Variants in CR1 observed in about 807,000 individuals in gnomAD.
CR1 encodes the protein complement C3b/C4b receptor 1 (Knops blood group), also known as complement receptor type 1.
A neutral mutation model predicts 187.3 loss-of-function variants in CR1; 116 were observed. The ratio of observed to expected loss-of-function variants is 0.62; its 90% confidence interval spans 0.53 to 0.72. The LOEUF (loss-of-function observed/expected upper bound fraction) is 0.72. Among genes scored for constraint, CR1 ranks in the 30% least tolerant of loss-of-function variants. The probability of loss-of-function intolerance (pLI) is 0.00; values close to 1 mark genes in which losing one functional copy is unlikely to be tolerated. For missense variants in CR1, 1,731 were observed against 2,110.7 expected, an observed-to-expected ratio of 0.82 and a Z score of 3.52; for synonymous variants, 576 against 747.1, an observed-to-expected ratio of 0.77 and a Z score of 3.73.
Position 207,576,646 on chromosome 1 carries a change from T to C in CR1, c.4537+966T>C, listed in dbSNP as rs12074698. 2.4e-3 allele frequency among the ~76,000 whole-genome samples: 369 copies of C among 151,850 alleles called. 2 individuals are homozygous for C. Among genetic ancestry groups the C allele is most frequent in the African/African-American group, 8.1e-3 (336 of 41,412 alleles). On this transcript the variant is annotated intron_variant, in intron 28 of 46. Transcript: ENST00000367049. ...CAGCCTGTACAACATGGTGAAATCA[T>C]GTCTCTACAAAAAATACAAAAACTA...
intron 1 of CR1, among the ~76,000 whole-genome samples, chr1:207,498,025 C>G (rs1330698104): frequency 6.6e-6 from 1 of 152,168 alleles, no homozygotes; most frequent in East Asian, 1.9e-4. Context: ...ATTAGGAAGC[C>G]AGCGTTCTGC....
At chr1:207,521,159 T>A (rs1659981343) in intron 4 of CR1, among the ~76,000 whole-genome samples, 1 of 151,954 alleles carries the variant, frequency 6.6e-6, no homozygotes, top group Non-Finnish European at 1.5e-5. Context: ...ACCCTTTTAG[T>A]AGAGATGGGT....
At position 207,584,729 on chromosome 1, in the gene CR1, G is replaced by T; in HGVS notation, c.5383G>T (p.Glu1795Ter). Residue 1795 changes from glutamate to a stop codon, truncating the protein, a stop_gained, in exon 33 of 47, where the codon GAA becomes TAA. Transcript: ENST00000367049. LOFTEE classifies it high-confidence loss of function. ...CTCTGGAGATATTCCCTATGGAAAAGAAATATCTTACACATGTGACCCCCA... is the reference window on the plus strand; with the variant it reads ...CTCTGGAGATATTCCCTATGGAAAATAAATATCTTACACATGTGACCCCCA... ...TPSGDIPYGKEISYTCDPHPD... is the reference protein window; with the variant it reads ...TPSGDIPYGK 6.2e-7 allele frequency: 1 copy of T among 1,613,802 alleles called. No individual in the cohort carries two copies.
At chr1:207,616,504 A>G (rs1662099007) in intron 40 of CR1, 71 bp from the exon 41 acceptor site, 3 of 1,512,240 alleles carry the variant, frequency 2.0e-6, no homozygotes, top group Middle Eastern at 1.8e-4. Context: ...GCGCACAGTC[A>G]CAGGTCACTA....
At chr1:207,639,087 C>T (rs1662904139) in intron 46 of CR1, among the ~76,000 whole-genome samples, 1 of 152,230 alleles carries the variant, frequency 6.6e-6, no homozygotes, top group Non-Finnish European at 1.5e-5. Flanking sequence ...TGCTCATTTT[C>T]CCGACAATGG....
At chr1:207,581,726 C>G (rs1317591246) in intron 31 of CR1, among the ~76,000 whole-genome samples, 192 bp from the exon 32 acceptor site, 2 of 152,136 alleles carry the variant, frequency 1.3e-5, no homozygotes, top group Admixed American at 6.5e-5. Context: ...GAAAGCTACA[C>G]TTTTTCCAAA....
rs774509906 is a variant in CR1 at position 207,587,555 on chromosome 1, C to G, written c.5700C>G (p.Asp1900Glu). Reference sequence around the variant, plus strand: ...ACTTGGTCTGGTCAAGTGTTGAAGACAACTGTAGACGTGAGTAACCCCTCC... The same window carrying G: ...ACTTGGTCTGGTCAAGTGTTGAAGAGAACTGTAGACGTGAGTAACCCCTCC... ...LENLVWSSVEDNCRRKSCGPP... is the reference protein window; with the variant it reads ...LENLVWSSVEENCRRKSCGPP... Residue 1900 changes from aspartate to glutamate, a missense_variant, in exon 34 of 47, where the codon GAC (aspartate) becomes GAG (glutamate). This residue lies in a region of CR1 where 1,312 missense variants were observed against 1,379.6 expected (regional missense o/e 0.95). Coordinates refer to ENST00000367049, the MANE Select transcript of CR1 (RefSeq NM_000651.6). 2 of 1,613,394 alleles carry G rather than the reference C, an allele frequency of 1.2e-6. No homozygotes were observed. Among genetic ancestry groups the G allele is most frequent in the Non-Finnish European group, 1.7e-6 (2 of 1,179,574 alleles).
At chr1:207,632,238 T>G (rs1662666770) in intron 46 of CR1, among the ~76,000 whole-genome samples, 1 of 152,204 alleles carries the variant, frequency 6.6e-6, no homozygotes, top group Non-Finnish European at 1.5e-5. Flanking sequence ...GAATTGATAT[T>G]TTACTTTTTG....
intron 24 of CR1, 67 bp downstream of exon 24, chr1:207,565,990 C>T (rs1315415841): frequency 1.3e-6 from 2 of 1,579,110 alleles, no homozygotes; most frequent in East Asian, 4.5e-5. Flanking sequence ...TGTCCTATGG[C>T]CTCCCTCAAT....
Position 207,567,905 on chromosome 1 carries a change from C to A in CR1, c.4034C>A (p.Ala1345Glu), listed in dbSNP as rs747595626. Residue 1345 changes from alanine to glutamate, a missense_variant, in exon 25 of 47, where the codon GCA becomes GAA. Physicochemically the swap from Ala to Glu is moderately radical, Grantham distance 107. Around this residue, in one of 5 missense-constraint regions of CR1, gnomAD observed 1,312 missense variants for 1,379.6 expected, o/e 0.95. Transcript: ENST00000367049. ...CTGGAAGTCTTTCCCTTTGGAAAAG[C>A]AGTAAATTACACATGCGACCCCCAC... is the stretch of plus-strand genomic sequence containing the variant. ...KPLEVFPFGK[A>E]VNYTCDPHPD... 6.2e-7 allele frequency: 1 copy of A among 1,610,778 alleles called. No individual in the cohort carries two copies. The highest frequency in any genetic ancestry group is 1.1e-5 in the South Asian group (1 of 91,046).
intron 3 of CR1, among the ~76,000 whole-genome samples, chr1:207,510,238 C>T (rs1311753560): frequency 6.6e-6 from 1 of 152,024 alleles, no homozygotes; most frequent in East Asian, 1.9e-4. Context: ...ACAGCAACAA[C>T]AAAAATCCCA....
At chr1:207,517,281 C>CGT (rs369465275) in intron 4 of CR1, among the ~76,000 whole-genome samples, 18 of 151,644 alleles carry the variant, frequency 1.2e-4, no homozygotes, top group Middle Eastern at 3.4e-3. Flanking sequence ...GGGGGATATG[C>CGT]GTGTGTGTGT....
At chr1:207,525,245 G>C (rs1362593340) in intron 5 of CR1, among the ~76,000 whole-genome samples, 1 of 151,776 alleles carries the variant, frequency 6.6e-6, no homozygotes, top group Non-Finnish European at 1.5e-5. Flanking sequence ...AGATTTGGGA[G>C]GGGACATAGA....
chr1:207,594,748 T>C (rs972966571), intron 35 of CR1, among the ~76,000 whole-genome samples: 1 of 152,244 alleles, frequency 6.6e-6, no homozygotes, highest in African/African-American at 2.4e-5. Flanking sequence ...TATTCCTCTT[T>C]TCTGACTGTC....
At position 207,605,190 on chromosome 1, in the gene CR1, G is replaced by T. The variant is rs985821570; in HGVS notation, c.5811-2061G>T. On this transcript the variant is annotated intron_variant, in intron 35 of 46. Transcript: ENST00000367049. The stretch of plus-strand genomic sequence containing the variant: ...TGGGAGAATGGTTTGAACCTGGGAG[G>T]CAGAGGTTGCAGTAAGCCAAGATCA... Among the ~76,000 whole-genome samples the T allele has an allele frequency of 2.0e-5, 3 of 150,458 alleles. No individual in the cohort carries two copies. The Admixed American group carries it at 2.0e-4, about 10-fold the overall frequency.
chr1:207,585,746 T>A lies in CR1; in HGVS notation c.5530+870T>A, dbSNP rs182682479. 2.0e-5 allele frequency among the ~76,000 whole-genome samples: 3 copies of A among 152,320 alleles called. No individual in the cohort carries two copies. In the East Asian group the frequency reaches 5.8e-4, roughly 29 times the overall value. On this transcript the variant is annotated intron_variant, in intron 33 of 46. Coordinates refer to ENST00000367049, the MANE Select transcript of CR1 (RefSeq NM_000651.6). ...TACCCATCAGAATGCAGTAAATTTTTTTAATGTAAATGCCTAGACCCCAGT... is the reference window on the plus strand; with the variant it reads ...TACCCATCAGAATGCAGTAAATTTTATTAATGTAAATGCCTAGACCCCAGT...
intron 43 of CR1, 53 bp from the exon 44 acceptor site, chr1:207,621,920 T>C: frequency 6.7e-7 from 1 of 1,484,552 alleles, no homozygotes; most frequent in Non-Finnish European, 9.3e-7. Context: ...GAGGTCCTGT[T>C]CAATCATGTT....
At chr1:207,498,877 C>CAAAAAAAAAAAAAA (rs56044498) in intron 1 of CR1, among the ~76,000 whole-genome samples, 219 of 49,962 alleles carry the variant, frequency 4.4e-3, no homozygotes, top group South Asian at 7.2e-3. Context: ...AACTCCAAAT[C>CAAAAAAAAAAAAAA]AAAAAAAAAA....
At chr1:207,637,702 T>TGATC (rs1292564352) in intron 46 of CR1, among the ~76,000 whole-genome samples, 1 of 152,260 alleles carries the variant, frequency 6.6e-6, no homozygotes, top group Non-Finnish European at 1.5e-5. Flanking sequence ...GGCAGGGCAA[T>TGATC]GATCATCTGT....
Sources: gnomAD v4.1 joint callset for allele counts (sites outside exome capture counted in the v4.1 genomes callset) on GRCh38, gnomAD v4.1.1 for gene constraint, gnomAD v4.1.1 regional missense constraint, MANE v1.5 for transcripts, NCBI Gene and HGNC (gene_info 2026-07-23, HGNC 2026-07-21) for gene names.